Variants in NTM observed in about 807,000 individuals in gnomAD.
NTM encodes neurotrimin, also known as IgLON family member 2.
NTM carries 13 observed loss-of-function variants against 42.1 expected under a neutral mutation model. That is an observed-to-expected ratio of 0.31 (90% confidence interval 0.20 to 0.49). The LOEUF (loss-of-function observed/expected upper bound fraction) is 0.49, where lower values mean the gene tolerates loss of function less well. Among genes scored for constraint, NTM ranks in the 20% least tolerant of loss-of-function variants. The probability of loss-of-function intolerance (pLI) is 0.99; values close to 1 mark genes in which losing one functional copy is unlikely to be tolerated. For missense variants in NTM, 373 were observed against 452.8 expected, an observed-to-expected ratio of 0.82 and a Z score of 1.60; for synonymous variants, 187 against 179.2, an observed-to-expected ratio of 1.04 and a Z score of -0.35.
chr11:131,509,822 T>C (rs1314774950), intron 1 of NTM, among the ~76,000 whole-genome samples: 1 of 152,210 alleles, frequency 6.6e-6, no homozygotes, highest in Non-Finnish European at 1.5e-5. Flanking sequence ...ACTAGAAAAC[T>C]GTTTAACTGA....
At chr11:131,512,245 G>A (rs750774640) in intron 1 of NTM, among the ~76,000 whole-genome samples, 7 of 152,166 alleles carry the variant, frequency 4.6e-5, no homozygotes, top group East Asian at 3.9e-4. Context: ...AATTGATTAC[G>A]GAAAAATCAT....
At chr11:131,586,119 T>C (rs1386830877) in intron 1 of NTM, among the ~76,000 whole-genome samples, 1 of 152,134 alleles carries the variant, frequency 6.6e-6, no homozygotes, top group Admixed American at 6.6e-5. Flanking sequence ...TTTCCTTTTT[T>C]TTTGGATACA....
At chr11:132,271,677 G>A (rs147391601) in intron 4 of NTM, among the ~76,000 whole-genome samples, 33 of 151,482 alleles carry the variant, frequency 2.2e-4, no homozygotes, top group African/African-American at 7.5e-4. Context: ...GTTCTTATTG[G>A]CCATTCATAC....
At chr11:131,467,829 G>T (rs1952038349) in intron 1 of NTM, among the ~76,000 whole-genome samples, 2 of 152,222 alleles carry the variant, frequency 1.3e-5, no homozygotes. Flanking sequence ...GACCTGGGAA[G>T]TTTCCAGAGA....
At chr11:131,888,840 A>G (rs966597439) in intron 1 of NTM, among the ~76,000 whole-genome samples, 7 of 151,602 alleles carry the variant, frequency 4.6e-5, no homozygotes, top group African/African-American at 1.7e-4. Context: ...TGAGATGAAG[A>G]CCTCCTGCAT....
At chr11:132,212,958 CA>C (rs11442460) in intron 4 of NTM, among the ~76,000 whole-genome samples, 117 of 140,208 alleles carry the variant, frequency 8.3e-4, no homozygotes, top group Admixed American at 1.2e-3. Context: ...AGACAGATGA[CA>C]AAAAAAAAAA....
chr11:132,081,540 G>A (rs946067960), intron 2 of NTM, among the ~76,000 whole-genome samples: 5 of 150,288 alleles, frequency 3.3e-5, no homozygotes, highest in African/African-American at 1.3e-4. Flanking sequence ...AGACCATCCT[G>A]GCTAACACGG....
At chr11:131,789,943 G>T (rs182226784) in intron 1 of NTM, among the ~76,000 whole-genome samples, 1 of 112,754 alleles carries the variant, frequency 8.9e-6, no homozygotes, top group African/African-American at 3.4e-5. Flanking sequence ...GCGACAGAGC[G>T]AGACTCCGTC....
chr11:132,095,907 T>C (rs752574131), intron 2 of NTM, among the ~76,000 whole-genome samples: 2 of 152,212 alleles, frequency 1.3e-5, no homozygotes, highest in Non-Finnish European at 2.9e-5. Flanking sequence ...AAGACTCTTC[T>C]CGTGTGTCAG....
intron 2 of NTM, among the ~76,000 whole-genome samples, chr11:131,953,235 A>G (rs2061211265): frequency 6.6e-6 from 1 of 152,180 alleles, no homozygotes; most frequent in Non-Finnish European, 1.5e-5. Flanking sequence ...TGAGGTGCTA[A>G]GCCTTCTAAA....
At chr11:131,903,202 A>G (rs2053408161) in intron 1 of NTM, among the ~76,000 whole-genome samples, 1 of 152,152 alleles carries the variant, frequency 6.6e-6, no homozygotes, top group Non-Finnish European at 1.5e-5. Context: ...GATCTCTAAA[A>G]CTCTTCTAAC....
intron 4 of NTM, chr11:132,306,214 ACTT>A: frequency 6.6e-6 from 1 of 152,184 alleles, no homozygotes; most frequent in African/African-American, 2.4e-5. Context: ...CAAAACAGTG[ACTT>A]CAACACTGTT....
rs547346395 is a variant in NTM, at chr11:131,548,996, GGT to G, written c.82+178111_82+178112del. The stretch of plus-strand genomic sequence containing the variant: ...GCTTATACATCCTTATTTTATGTAG[GGT>G]GTTTGTGCATATGCCATCAGTAAAA... On this transcript the variant is annotated intron_variant, in intron 1 of 8. Transcript: ENST00000683400. Among the ~76,000 whole-genome samples the G allele has an allele frequency of 3.5e-4, 53 of 152,238 alleles. No individual in the cohort carries two copies. In the East Asian group the frequency reaches 8.3e-3, roughly 24 times the overall value.
chr11:132,045,594 C>A (rs1027256489), intron 2 of NTM, among the ~76,000 whole-genome samples: 13 of 152,080 alleles, frequency 8.5e-5, no homozygotes, highest in African/African-American at 3.1e-4. Context: ...ATTCATCCAC[C>A]ATTTTCTTAG....
At chr11:131,998,172 A>G (rs1384242698) in intron 2 of NTM, among the ~76,000 whole-genome samples, 1 of 152,188 alleles carries the variant, frequency 6.6e-6, no homozygotes, top group Non-Finnish European at 1.5e-5. Flanking sequence ...GACAGGAGTC[A>G]TAAAAGCCTC....
chr11:131,555,846 T>A (rs564667297), intron 1 of NTM, among the ~76,000 whole-genome samples: 2 of 152,252 alleles, frequency 1.3e-5, no homozygotes, highest in East Asian at 3.9e-4. Flanking sequence ...CCTAGGGAAC[T>A]GACTGAGTAG....
intron 2 of NTM, among the ~76,000 whole-genome samples, chr11:132,039,138 G>A (rs1389880499): frequency 6.6e-6 from 1 of 152,152 alleles, no homozygotes; most frequent in African/African-American, 2.4e-5. Flanking sequence ...TGGGCTTTGA[G>A]GTCTGTGCTC....
In NTM at chr11:132,314,694, A is replaced by T; in HGVS notation, c.925A>T (p.Met309Leu). ...GCTGGGCCACACCAATGCCAGCATC[A>T]TGCTATTTGGTGAGACTGTGCTCTG... ...NKLGHTNASI[M>L]LFEVKTTALT... is the part of the protein sequence containing the mutation. The change falls in exon 7 of 9, where the codon ATG becomes TTG. Residue 309 changes from methionine (M) to leucine (L), a missense_variant. By Grantham distance (15) the Met-to-Leu change is conservative (BLOSUM62 2). This residue lies in a region of NTM where 312 missense variants were observed against 353.5 expected (regional missense o/e 0.88). Transcript: ENST00000683400. 6.2e-7 allele frequency: 1 copy of T among 1,612,696 alleles called. No individual in the cohort carries two copies. Among genetic ancestry groups the T allele is most frequent in the Non-Finnish European group, 8.5e-7 (1 of 1,179,472 alleles).
At chr11:131,827,434 T>C (rs184124305) in intron 1 of NTM, among the ~76,000 whole-genome samples, 29 of 152,248 alleles carry the variant, frequency 1.9e-4, no homozygotes, top group Admixed American at 4.6e-4. Flanking sequence ...CTGACTGTTA[T>C]GGAGAAAGGA....
Sources: gnomAD v4.1 joint callset for allele counts (sites outside exome capture counted in the v4.1 genomes callset) on GRCh38, gnomAD v4.1.1 for gene constraint, gnomAD v4.1.1 regional missense constraint, MANE v1.5 for transcripts, NCBI Gene and HGNC (gene_info 2026-07-23, HGNC 2026-07-21) for gene names.